The following BCAR3 variants were observed in gnomAD, a reference collection of about 807,000 sequenced individuals.
BCAR3 encodes BCAR3 adaptor protein, NSP family member.
A neutral mutation model predicts 80.1 loss-of-function variants in BCAR3; 37 were observed. The observed-to-expected ratio is 0.46, with a 90% CI of 0.36 to 0.61. The LOEUF is 0.61. BCAR3 is among the 20% of genes least tolerant of loss of function. The pLI, the probability that BCAR3 is intolerant of heterozygous loss-of-function variation, is 0.00. For synonymous variants in BCAR3, 389 were observed against 418.9 expected, an observed-to-expected ratio of 0.93 and a Z score of 0.87; for missense variants, 978 against 1,068.2, an observed-to-expected ratio of 0.92 and a Z score of 1.18.
chr1:93,663,774 T>C (rs1647768130), intron 2 of BCAR3, among the ~76,000 whole-genome samples: 1 of 152,174 alleles, frequency 6.6e-6, no homozygotes, highest in Non-Finnish European at 1.5e-5. Context: ...TGGCCCTGGC[T>C]CCTCATTACC....
chr1:93,617,013 G>A (rs377713344), intron 3 of BCAR3, among the ~76,000 whole-genome samples: 70 of 152,318 alleles, frequency 4.6e-4, no homozygotes, highest in South Asian at 1.9e-3. Context: ...ATTCAAAAAG[G>A]GGGTTAAGGC....
intron 2 of BCAR3, among the ~76,000 whole-genome samples, chr1:93,663,529 G>T (rs1315447865): frequency 6.6e-6 from 1 of 152,218 alleles, no homozygotes; most frequent in African/African-American, 2.4e-5. Flanking sequence ...AGGCAGGATT[G>T]CTTATCAATC....
intron 2 of BCAR3, among the ~76,000 whole-genome samples, chr1:93,810,192 CA>C (rs111305058): frequency 0.23 from 22,803 of 98,774 alleles, 2,562 homozygotes; most frequent in African/African-American, 0.39. Flanking sequence ...GACTCCATCT[CA>C]AAAAAAAAAA....
chr1:93,798,329 A>G (rs570664754), intron 2 of BCAR3, among the ~76,000 whole-genome samples: 1 of 152,314 alleles, frequency 6.6e-6, no homozygotes, highest in African/African-American at 2.4e-5. Context: ...GTTTCATTTG[A>G]TATTAGCATT....
chr1:93,650,104 G>A (rs1222611321), intron 2 of BCAR3, among the ~76,000 whole-genome samples: 3 of 151,852 alleles, frequency 2.0e-5, no homozygotes, highest in Admixed American at 1.3e-4. Context: ...TAATGTGTGC[G>A]AGTAAGGGTG....
chr1:93,781,299 T>C (rs1276401816), intron 2 of BCAR3, among the ~76,000 whole-genome samples: 1 of 152,224 alleles, frequency 6.6e-6, no homozygotes, highest in Non-Finnish European at 1.5e-5. Flanking sequence ...CATTTACAAA[T>C]GTAAAAACCA....
At chr1:93,676,994 T>C (rs535601540) in intron 1 of BCAR3, among the ~76,000 whole-genome samples, 1 of 152,368 alleles carries the variant, frequency 6.6e-6, no homozygotes, top group East Asian at 1.9e-4. Flanking sequence ...CACCTCAATT[T>C]ATTCTCCAAT....
At chr1:93,566,279 TG>T (rs1349564443) in intron 11 of BCAR3, among the ~76,000 whole-genome samples, 1 of 152,130 alleles carries the variant, frequency 6.6e-6, no homozygotes, top group Non-Finnish European at 1.5e-5. Flanking sequence ...CCCTGCTTGC[TG>T]GTAACTGCTT....
intron 2 of BCAR3, among the ~76,000 whole-genome samples, chr1:93,650,178 A>G (rs1676278630): frequency 6.6e-6 from 1 of 152,202 alleles, no homozygotes; most frequent in Non-Finnish European, 1.5e-5. Context: ...TGAGGTCACG[A>G]GTTCGAGACC....
intron 2 of BCAR3, among the ~76,000 whole-genome samples, chr1:93,710,879 G>A (rs1169143312): frequency 2.6e-5 from 4 of 152,222 alleles, no homozygotes; most frequent in East Asian, 3.8e-4. Flanking sequence ...TTCTGGTTCA[G>A]GGTTTCTCAA....
chr1:93,646,512 G>T (rs533534987), intron 2 of BCAR3: 2 of 150,750 alleles, frequency 1.3e-5, no homozygotes, highest in East Asian at 3.9e-4. Flanking sequence ...TGAGGCAGGA[G>T]AATCACTTGA....
rs1214665145 is a variant in BCAR3, at chr1:93,823,390, G to A, written c.-63+22177C>T. Among the ~76,000 whole-genome samples the A allele has an allele frequency of 3.7e-5, 5 of 133,970 alleles. 2 individuals carry two copies. Among genetic ancestry groups the A allele is most frequent in the Non-Finnish European group, 8.4e-5 (5 of 59,310 alleles). 87.9% of individuals were successfully genotyped at this position (133,970 alleles called of 152,430 possible). A position where few individuals can be genotyped will look rare whatever the true frequency, so the allele number is the denominator to read the frequency against. On this transcript the variant is annotated intron_variant, in intron 2 of 13. Transcript: ENST00000370244. ...TCCAGGAGTGTAGGAAGGTGAATGA[G>A]GAGAAGCTGGTGGAAGGAATACAGT...
At chr1:93,671,878 A>G (rs1383723176) in intron 2 of BCAR3, among the ~76,000 whole-genome samples, 1 of 152,134 alleles carries the variant, frequency 6.6e-6, no homozygotes, top group Non-Finnish European at 1.5e-5. Context: ...ACACCTCAGG[A>G]GATTTTTTTT....
intron 2 of BCAR3, chr1:93,720,217 G>C (rs1350748233): frequency 6.6e-6 from 1 of 152,230 alleles, no homozygotes; most frequent in East Asian, 1.9e-4. Context: ...GATGCTCTGG[G>C]TTGCCTGGGG....
At chr1:93,776,340 G>A (rs989965545) in intron 2 of BCAR3, among the ~76,000 whole-genome samples, 1 of 152,120 alleles carries the variant, frequency 6.6e-6, no homozygotes, top group African/African-American at 2.4e-5. Context: ...TTGTTTCATA[G>A]CCAACCCACG....
chr1:93,582,680 A>G lies in BCAR3; in HGVS notation c.1307T>C (p.Phe436Ser). 1 of 1,614,014 alleles carries G rather than the reference A, an allele frequency of 6.2e-7. No individual in the cohort carries two copies. Among genetic ancestry groups the G allele is most frequent in the South Asian group, 1.1e-5 (1 of 91,072 alleles). The change falls in exon 7 of 12, where the codon TTT (phenylalanine) becomes TCT (serine). Residue 436 changes from phenylalanine (F) to serine (S), a missense_variant. Physicochemically the swap from Phe to Ser is radical, Grantham distance 155. Transcript: ENST00000260502. ...EANYCELNPA[F>S]ATGCGRGAKL... is the part of the protein sequence containing the mutation. ...TGCTCCCCTGCCGCAGCCTGTGGCA[A>G]ACGCTGGGTTCAGTTCACAGTAGTT...
chr1:93,777,414 T>TCCTCCTCC (rs1557685179), intron 2 of BCAR3, among the ~76,000 whole-genome samples: 1 of 113,164 alleles, frequency 8.8e-6, no homozygotes, highest in South Asian at 2.8e-4. Flanking sequence ...CCTCCTCCTC[T>TCCTCCTCC]TCCTCCTCCT....
chr1:93,704,312 G>A (rs576591018), intron 3 of BCAR3, among the ~76,000 whole-genome samples: 2 of 151,346 alleles, frequency 1.3e-5, no homozygotes, highest in Non-Finnish European at 2.9e-5. Flanking sequence ...GAAGTCTGGT[G>A]TGACTGGAGT....
chr1:93,581,304 C>T (rs1673697182), intron 7 of BCAR3, among the ~76,000 whole-genome samples: 1 of 152,158 alleles, frequency 6.6e-6, no homozygotes, highest in African/African-American at 2.4e-5. Context: ...TTACATGTAT[C>T]CATTTACAGA....
Sources: allele counts gnomAD v4.1 joint callset (sites outside exome capture counted in the v4.1 genomes callset), GRCh38; gene constraint gnomAD v4.1.1; transcripts MANE v1.5; gene names NCBI Gene and HGNC (gene_info 2026-07-23, HGNC 2026-07-21).